The following VCAN variants were observed in gnomAD, a reference collection of about 807,000 sequenced individuals.
VCAN encodes versican.
A neutral mutation model predicts 245.5 loss-of-function variants in VCAN; 44 were observed. The ratio of observed to expected loss-of-function variants is 0.18; its 90% CI spans 0.14 to 0.23. The LOEUF is 0.23. Among genes scored for constraint, VCAN ranks in the 10% least tolerant of loss-of-function variants. The pLI, the probability that VCAN is intolerant of heterozygous loss-of-function variation, is 1.00. For synonymous variants in VCAN, 1,413 were observed against 1,437.0 expected, an observed-to-expected ratio of 0.98 and a Z score of 0.38; for missense variants, 3,793 against 4,057.9, an observed-to-expected ratio of 0.93 and a Z score of 1.77.
rs1391430055 is a variant in VCAN at position 83,542,725 on chromosome 5, A to G, written c.9265+457A>G. Reference sequence around the variant, plus strand: ...CCTTTAACATTTGGGAGTAGTACGTAGCTCTAATAATTATTTCAGAGTTTG... The same window carrying G: ...CCTTTAACATTTGGGAGTAGTACGTGGCTCTAATAATTATTTCAGAGTTTG... On this transcript the variant is annotated intron_variant, in intron 8 of 14. Transcript: ENST00000265077. 2.0e-5 allele frequency among the ~76,000 whole-genome samples: 3 copies of G among 152,204 alleles called. No individual in the cohort carries two copies. In the East Asian group the frequency reaches 5.8e-4, roughly 29 times the overall value.
chr5:83,503,014 G>T (rs920279258), intron 5 of VCAN, among the ~76,000 whole-genome samples: 1 of 152,098 alleles, frequency 6.6e-6, no homozygotes, highest in Non-Finnish European at 1.5e-5. Flanking sequence ...CTTTGTGCAG[G>T]TTAAATAATC....
At chr5:83,484,430 C>A (rs950551358) in intron 2 of VCAN, among the ~76,000 whole-genome samples, 5 of 152,082 alleles carry the variant, frequency 3.3e-5, no homozygotes, top group African/African-American at 4.8e-5. Context: ...ATCCATCCAT[C>A]CATCCTTCCA....
At chr5:83,528,731 CT>C (rs1746397965) in intron 7 of VCAN, among the ~76,000 whole-genome samples, 1 of 152,072 alleles carries the variant, frequency 6.6e-6, no homozygotes. Context: ...AGTGCCTACA[CT>C]CTAAAAGGTG....
Position 83,522,208 on chromosome 5 carries a change from C to T in VCAN, c.3902C>T (p.Ala1301Val). 1 of 1,604,696 alleles carries T rather than the reference C, an allele frequency of 6.2e-7. No individual in the cohort carries two copies. The highest frequency in any genetic ancestry group is 8.5e-7 in the Non-Finnish European group (1 of 1,179,798). The change falls in exon 7 of 15, where the codon GCC becomes GTC. Residue 1301 changes from alanine (A) to valine (V), a missense_variant. Coordinates refer to ENST00000265077, the MANE Select transcript of VCAN (RefSeq NM_004385.5). Reference sequence around the variant, plus strand: ...CCACCCACTGTGGAAGACAAAGAGGCCTTTGGACCTCAGGCGCTTTCTACG... The same window carrying T: ...CCACCCACTGTGGAAGACAAAGAGGTCTTTGGACCTCAGGCGCTTTCTACG... ...TRPPTVEDKEAFGPQALSTPQ... is the reference protein window; with the variant it reads ...TRPPTVEDKEVFGPQALSTPQ...
rs1165625533 is a variant in VCAN, at chr5:83,520,275, C to T, written c.1969C>T (p.Pro657Ser). 4.3e-6 allele frequency: 7 copies of T among 1,613,942 alleles called. No homozygotes were observed. The highest frequency in any genetic ancestry group is 5.9e-6 in the Non-Finnish European group (7 of 1,179,948). Reference protein sequence around the residue: ...SQHRTEIELFPYSGDKILVEG... With the variant: ...SQHRTEIELFSYSGDKILVEG... The stretch of plus-strand genomic sequence containing the variant: ...GCATCGTACAGAAATAGAATTGTTT[C>T]CTTATTCTGGTGATAAAATATTAGT... The change falls in exon 7 of 15, where the codon CCT becomes TCT. Residue 657 changes from proline to serine, a missense_variant. This residue lies in a region of VCAN where 3,182 missense variants were observed against 3,250.3 expected (regional missense o/e 0.98). Coordinates refer to ENST00000265077, the MANE Select transcript of VCAN (RefSeq NM_004385.5).
In VCAN at chr5:83,521,274, G is replaced by A; in HGVS notation, c.2968G>A (p.Val990Ile). ...KTDWGVLVPS[V>I]PSEDEVLGEP... ...AGACTGGGGAGTGTTAGTACCTTCT[G>A]TTCCATCAGAAGATGAAGTTCTAGG... Residue 990 changes from valine (V) to isoleucine (I), a missense_variant, in exon 7 of 15, where the codon GTT becomes ATT. Val to Ile is a conservative substitution (Grantham distance 29, BLOSUM62 3). This residue lies in a region of VCAN where 3,182 missense variants were observed against 3,250.3 expected (regional missense o/e 0.98). Transcript: ENST00000265077. 6.8e-6 allele frequency: 11 copies of A among 1,614,082 alleles called. No individual in the cohort carries two copies. The highest frequency in any genetic ancestry group is 8.5e-6 in the Non-Finnish European group (10 of 1,179,944).
Position 83,519,989 on chromosome 5 carries a change from A to G in VCAN, c.1683A>G (p.Thr561=), listed in dbSNP as rs1464686562. 1 of 1,614,092 alleles carries G rather than the reference A, an allele frequency of 6.2e-7. No homozygotes were observed. The highest frequency in any genetic ancestry group is 1.1e-5 in the South Asian group (1 of 91,078). Reference sequence around the variant, plus strand: ...GAGAAGAGGATGATGAAGACAGAACACTTACAGTTGGATCTGATGAGAGCA... The same window carrying G: ...GAGAAGAGGATGATGAAGACAGAACGCTTACAGTTGGATCTGATGAGAGCA... ...TLGEEDDEDR[T]LTVGSDESTL... is the part of the protein sequence containing the mutation. The change falls in exon 7 of 15, where the codon ACA becomes ACG. Residue 561 remains threonine (T), a synonymous_variant. Coordinates refer to ENST00000265077, the MANE Select transcript of VCAN (RefSeq NM_004385.5).
At chr5:83,561,072 A>G (rs941494997) in intron 12 of VCAN, among the ~76,000 whole-genome samples, 4 of 152,156 alleles carry the variant, frequency 2.6e-5, no homozygotes, top group Admixed American at 2.0e-4. Flanking sequence ...TAAACATTTT[A>G]AAAAACATTT....
rs377493488 is a variant in VCAN at position 83,520,440 on chromosome 5, T to A, written c.2134T>A (p.Phe712Ile). ...EIQEEITKSP[F>I]MGKTEEEVFS... ...ACAAGAAGAGATCACTAAAAGTCCA[T>A]TTATGGGAAAAACAGAAGAAGAAGT... Residue 712 changes from phenylalanine (F) to isoleucine (I), a missense_variant, in exon 7 of 15, where the codon TTT becomes ATT. Phe to Ile is a conservative substitution (Grantham distance 21, BLOSUM62 0). This residue lies in a region of VCAN where 3,182 missense variants were observed against 3,250.3 expected (regional missense o/e 0.98). Transcript: ENST00000265077. 35 of 1,613,888 alleles carry A rather than the reference T, an allele frequency of 2.2e-5. No homozygotes were observed. The highest frequency in any genetic ancestry group is 3.0e-5 in the Non-Finnish European group (35 of 1,179,950).
chr5:83,518,175 C>T (rs565434988), intron 6 of VCAN, among the ~76,000 whole-genome samples: 12 of 152,120 alleles, frequency 7.9e-5, no homozygotes, highest in South Asian at 2.1e-4. Context: ...CAGGTTTCTT[C>T]AGGACAGTTC....
chr5:83,559,679 C>T (rs1747796403), intron 12 of VCAN, among the ~76,000 whole-genome samples: 1 of 152,258 alleles, frequency 6.6e-6, no homozygotes, highest in South Asian at 2.1e-4. Flanking sequence ...TTGTCCTCCA[C>T]CCATCCTAAC....
chr5:83,547,255 C>T (rs143014728), intron 9 of VCAN, among the ~76,000 whole-genome samples: 8 of 152,166 alleles, frequency 5.3e-5, no homozygotes, highest in Non-Finnish European at 1.0e-4. Context: ...GATTCTGAGA[C>T]CTTAGCATGC....
intron 13 of VCAN, among the ~76,000 whole-genome samples, chr5:83,575,727 T>C (rs309581): frequency 0.32 from 47,954 of 151,996 alleles, 8,207 homozygotes; most frequent in Admixed American, 0.41. Context: ...GACATTGCCA[T>C]ATGTCTCCAG....
At position 83,540,124 on chromosome 5, in the gene VCAN, C is replaced by A. The variant is rs61754535; in HGVS notation, c.7121C>A (p.Pro2374Gln). The change falls in exon 8 of 15, where the codon CCA becomes CAA. Residue 2374 changes from proline (P) to glutamine (Q), a missense_variant. Around this residue, in one of 5 missense-constraint regions of VCAN, gnomAD observed 3,182 missense variants for 3,250.3 expected, o/e 0.98. Coordinates refer to ENST00000265077, the MANE Select transcript of VCAN (RefSeq NM_004385.5). ...RWAEEIQTSR[P>Q]QTITEQDSNK... ...GCAGAAGAAATCCAGACTAGTAGAC[C>A]ACAAACCATAACTGAACAAGACTCT... is the stretch of plus-strand genomic sequence containing the variant. The A allele has an allele frequency of 1.2e-6, 2 of 1,613,930 alleles. No homozygotes were observed. The highest frequency in any genetic ancestry group is 1.7e-6 in the Non-Finnish European group (2 of 1,179,986).
intron 12 of VCAN, among the ~76,000 whole-genome samples, chr5:83,572,081 G>T (rs558019825): frequency 6.6e-6 from 1 of 152,216 alleles, no homozygotes; most frequent in East Asian, 1.9e-4. Context: ...TTTTTCTCTA[G>T]TTCTACTTCC....
Position 83,539,743 on chromosome 5 carries a change from C to T in VCAN, c.6740C>T (p.Ser2247Leu). 3 of 1,613,860 alleles carry T rather than the reference C, an allele frequency of 1.9e-6. No individual in the cohort carries two copies. The highest frequency in any genetic ancestry group is 2.5e-6 in the Non-Finnish European group (3 of 1,179,984). ...PKGMRPTIQE[S>L]DTELLFSGLG... Reference sequence around the variant, plus strand: ...GGCATGAGACCAACAATTCAAGAGTCAGATACTGAGCTCTTATTCTCTGGA... The same window carrying T: ...GGCATGAGACCAACAATTCAAGAGTTAGATACTGAGCTCTTATTCTCTGGA... Residue 2247 changes from serine to leucine, a missense_variant, in exon 8 of 15, where the codon TCA becomes TTA. Coordinates refer to ENST00000265077, the MANE Select transcript of VCAN (RefSeq NM_004385.5).
At chr5:83,531,507 G>C (rs1354274538) in intron 7 of VCAN, 1 of 152,076 alleles carries the variant, frequency 6.6e-6, no homozygotes, top group African/African-American at 2.4e-5. Flanking sequence ...TGCACTTCGG[G>C]ACGGCTGTCT....
In VCAN at chr5:83,490,407, T is replaced by C; in HGVS notation, c.380T>C (p.Leu127Pro). 1 of 1,614,220 alleles carries C rather than the reference T, an allele frequency of 6.2e-7. No individual in the cohort carries two copies. Among genetic ancestry groups the C allele is most frequent in the Non-Finnish European group, 8.5e-7 (1 of 1,180,040 alleles). Reference protein sequence around the residue: ...VVKLLASDAGLYRCDVMYGIE... With the variant: ...VVKLLASDAGPYRCDVMYGIE... ...AAGCTGCTGGCAAGTGATGCGGGTCTTTACCGCTGTGACGTCATGTACGGG... is the reference window on the plus strand; with the variant it reads ...AAGCTGCTGGCAAGTGATGCGGGTCCTTACCGCTGTGACGTCATGTACGGG... Residue 127 changes from leucine (L) to proline (P), a missense_variant, in exon 3 of 15, where the codon CTT (leucine) becomes CCT (proline). Transcript: ENST00000265077.
Position 83,490,277 on chromosome 5 carries a change from C to T in VCAN, c.250C>T (p.Leu84Phe), listed in dbSNP as rs1037404199. The T allele has an allele frequency of 1.2e-6, 2 of 1,614,140 alleles. No homozygotes were observed. Among genetic ancestry groups the T allele is most frequent in the Non-Finnish European group, 8.5e-7 (1 of 1,180,036 alleles). Residue 84 changes from leucine to phenylalanine, a missense_variant, in exon 3 of 15, where the codon CTT (leucine) becomes TTT (phenylalanine). Coordinates refer to ENST00000265077, the MANE Select transcript of VCAN (RefSeq NM_004385.5). ...NGKDLKETTV[L>F]VAQNGNIKIG... ...AAAAGATTTGAAAGAGACTACTGTC[C>T]TTGTGGCCCAAAATGGAAATATCAA...
Sources: gnomAD v4.1 joint callset for allele counts (sites outside exome capture counted in the v4.1 genomes callset) on GRCh38, gnomAD v4.1.1 for gene constraint, gnomAD v4.1.1 regional missense constraint, MANE v1.5 for transcripts, NCBI Gene and HGNC (gene_info 2026-07-23, HGNC 2026-07-21) for gene names.